Variants in TXNRD1 observed in about 807,000 individuals in gnomAD.
TXNRD1 encodes the protein thioredoxin reductase 1, cytoplasmic.
In TXNRD1, 57 loss-of-function variants were observed where a neutral mutation model predicts 80.3. The observed-to-expected ratio is 0.71, with a 90% CI of 0.57 to 0.89. The LOEUF (loss-of-function observed/expected upper bound fraction) is 0.89, where lower values mean the gene tolerates loss of function less well. Among genes scored for constraint, TXNRD1 ranks in the 40% least tolerant of loss-of-function variants. The probability of loss-of-function intolerance (pLI) is 0.00; values close to 1 mark genes in which losing one functional copy is unlikely to be tolerated. For missense variants in TXNRD1, 730 were observed against 803.0 expected, an observed-to-expected ratio of 0.91 and a Z score of 1.10; for synonymous variants, 291 against 285.2, an observed-to-expected ratio of 1.02 and a Z score of -0.20.
In TXNRD1 at chr12:104,234,638, G is replaced by GAAA. The variant is rs33956129; in HGVS notation, c.92-16873_92-16871dup. 1.2e-3 allele frequency among the ~76,000 whole-genome samples: 150 copies of GAAA among 125,880 alleles called. 1 individual carries two copies. The highest frequency in any genetic ancestry group is 1.8e-3 in the Non-Finnish European group (113 of 62,170). The allele number at this position is 125,880 out of a possible 152,430, so 82.6% of individuals were successfully genotyped here. On this transcript the variant is annotated intron_variant, in intron 1 of 16. Transcript: ENST00000525566. Reference sequence around the variant, plus strand: ...AAAAAATAAACATTTTAAAGTCAGGGAAAAAAAAAAAAAAAAAAGAAGCCT... The same window carrying GAAA: ...AAAAAATAAACATTTTAAAGTCAGGGAAAAAAAAAAAAAAAAAAAAAGAAGCCT...
chr12:104,349,485 G>A lies in TXNRD1; in HGVS notation c.*1064G>A, dbSNP rs2036584590. The A allele has an allele frequency of 6.6e-6, 1 of 152,576 alleles. No individual in the cohort carries two copies. The highest frequency in any genetic ancestry group is 2.1e-4 in the South Asian group (1 of 4,834). The allele number at this position is 152,576 out of a possible 1,614,324, so 9.5% of individuals were successfully genotyped here. A position where few individuals can be genotyped will look rare whatever the true frequency, so the allele number is the denominator to read the frequency against. On this transcript the variant is annotated 3_prime_UTR_variant, in exon 17 of 17. Coordinates refer to ENST00000525566, the MANE Select transcript of TXNRD1 (RefSeq NM_001093771.3). ...TATCATAAGTTATTATTAATATTTTGAACACAGGTGGATGTGAAGGATTTT... is the reference window on the plus strand; with the variant it reads ...TATCATAAGTTATTATTAATATTTTAAACACAGGTGGATGTGAAGGATTTT...
At chr12:104,262,154 C>G (rs1004228781) in intron 3 of TXNRD1, among the ~76,000 whole-genome samples, 1 of 146,888 alleles carries the variant, frequency 6.8e-6, no homozygotes, top group South Asian at 2.2e-4. Context: ...ATTGCTTGAA[C>G]GCAGGAGGCG....
intron 10 of TXNRD1, among the ~76,000 whole-genome samples, chr12:104,323,765 G>A (rs1370149343): frequency 7.9e-6 from 1 of 126,400 alleles, no homozygotes; most frequent in African/African-American, 3.1e-5. Flanking sequence ...GGGCAGAGGC[G>A]CCCCTCACCT....
chr12:104,268,244 G>A (rs1565870629), intron 3 of TXNRD1, among the ~76,000 whole-genome samples: 1 of 149,566 alleles, frequency 6.7e-6, no homozygotes. Context: ...GGGTGCGGTG[G>A]CTCACGCCTG....
chr12:104,216,384 A>T (rs938157509), intron 1 of TXNRD1, among the ~76,000 whole-genome samples: 1 of 152,146 alleles, frequency 6.6e-6, no homozygotes, highest in Non-Finnish European at 1.5e-5. Flanking sequence ...CTTGTCCGAC[A>T]CGCCTTCCCG....
chr12:104,294,882 A>G (rs2034386470), intron 4 of TXNRD1, among the ~76,000 whole-genome samples: 1 of 152,212 alleles, frequency 6.6e-6, no homozygotes, highest in Non-Finnish European at 1.5e-5. Flanking sequence ...CCCTTTCTTA[A>G]CTATTCTTAA....
chr12:104,340,181 A>G (rs1433969863), intron 16 of TXNRD1, among the ~76,000 whole-genome samples: 1 of 152,232 alleles, frequency 6.6e-6, no homozygotes, highest in Non-Finnish European at 1.5e-5. Context: ...AAATATTAAC[A>G]TGTTGAGAGA....
intron 4 of TXNRD1, chr12:104,309,984 G>A (rs1383413913): frequency 6.5e-7 from 1 of 1,536,020 alleles, no homozygotes; most frequent in Non-Finnish European, 8.7e-7. Context: ...CCTTCACATT[G>A]CTCCACCGCA....
chr12:104,343,398 G>A (rs1397295783), intron 16 of TXNRD1, among the ~76,000 whole-genome samples: 6 of 152,196 alleles, frequency 3.9e-5, no homozygotes, highest in Admixed American at 1.3e-4. Flanking sequence ...GTAGCAACAC[G>A]AATGTAGTGG....
chr12:104,250,791 T>C (rs59185359), intron 1 of TXNRD1, among the ~76,000 whole-genome samples: 9,800 of 152,204 alleles, frequency 0.064, 422 homozygotes, highest in African/African-American at 0.11. Flanking sequence ...AAGGGTGGGC[T>C]TGAACTTGGT....
intron 1 of TXNRD1, among the ~76,000 whole-genome samples, chr12:104,227,251 T>A (rs1214528802): frequency 1.3e-5 from 2 of 152,090 alleles, no homozygotes; most frequent in Non-Finnish European, 2.9e-5. Context: ...TTTAATTTTT[T>A]ATTATTTATT....
At chr12:104,240,846 G>T (rs1201189029) in intron 1 of TXNRD1, among the ~76,000 whole-genome samples, 1 of 151,112 alleles carries the variant, frequency 6.6e-6, no homozygotes. Flanking sequence ...GGGTTCAAGC[G>T]ATTCTCTTGC....
intron 1 of TXNRD1, chr12:104,224,782 C>G: frequency 2.2e-6 from 1 of 455,070 alleles, no homozygotes; most frequent in Non-Finnish European, 4.4e-6. Flanking sequence ...GTTATTCCCT[C>G]CTGATTTTCT....
chr12:104,238,943 T>G (rs1488167472), intron 1 of TXNRD1, among the ~76,000 whole-genome samples: 1 of 151,870 alleles, frequency 6.6e-6, no homozygotes, highest in Non-Finnish European at 1.5e-5. Context: ...GCCTCCCGGG[T>G]TCAAGTGATT....
chr12:104,300,645 T>G (rs2034590719), intron 4 of TXNRD1, among the ~76,000 whole-genome samples: 1 of 152,218 alleles, frequency 6.6e-6, no homozygotes, highest in Non-Finnish European at 1.5e-5. Flanking sequence ...TTTTACTTTG[T>G]AGCAATGTCT....
intron 3 of TXNRD1, among the ~76,000 whole-genome samples, chr12:104,259,554 C>T (rs192618169): frequency 0.047 from 6,886 of 145,850 alleles, 202 homozygotes; most frequent in Middle Eastern, 0.13. Context: ...TGCAATGGTG[C>T]GATCTCAGCT....
intron 3 of TXNRD1, among the ~76,000 whole-genome samples, chr12:104,270,032 C>G (rs995690447): frequency 6.6e-6 from 1 of 152,142 alleles, no homozygotes; most frequent in Admixed American, 6.6e-5. Context: ...TTCTATTTCT[C>G]TTGTTATTTC....
intron 10 of TXNRD1, among the ~76,000 whole-genome samples, chr12:104,324,719 T>C (rs2035694979): frequency 6.6e-6 from 1 of 152,166 alleles, no homozygotes; most frequent in African/African-American, 2.4e-5. Flanking sequence ...AGTAGGTTGG[T>C]ATATTTATTC....
intron 1 of TXNRD1, among the ~76,000 whole-genome samples, chr12:104,218,430 G>A (rs913425804): frequency 5.3e-5 from 8 of 152,006 alleles, no homozygotes; most frequent in Admixed American, 2.6e-4. Context: ...GGAAATAAAC[G>A]TTTCCAGTAC....
Sources: gnomAD v4.1 joint callset for allele counts (sites outside exome capture counted in the v4.1 genomes callset) on GRCh38, gnomAD v4.1.1 for gene constraint, MANE v1.5 for transcripts, NCBI Gene and HGNC (gene_info 2026-07-23, HGNC 2026-07-21) for gene names.